Variants in HTR2C observed in about 807,000 individuals in gnomAD.
HTR2C encodes 5-hydroxytryptamine receptor 2C, also known as 5-hydroxytryptamine (serotonin) receptor 2C, G protein-coupled.
In HTR2C, 5 loss-of-function variants were observed where a neutral mutation model predicts 21.0. The ratio of observed to expected loss-of-function variants is 0.24; its 90% CI spans 0.12 to 0.50. The LOEUF (loss-of-function observed/expected upper bound fraction) is 0.50, where lower values mean the gene tolerates loss of function less well. HTR2C is among the 20% of genes least tolerant of loss of function. The pLI is 0.98. For synonymous variants in HTR2C, 150 were observed against 145.3 expected, an observed-to-expected ratio of 1.03 and a Z score of -0.23; for missense variants, 271 against 371.2, an observed-to-expected ratio of 0.73 and a Z score of 2.22.
At chrX:114,904,590 C>A (rs2071358617) in intron 5 of HTR2C, among the ~76,000 whole-genome samples, 1 of 111,780 alleles carries the variant, frequency 8.9e-6, no homozygotes, top group African/African-American at 3.2e-5. Context: ...TTGTTTTCAT[C>A]AAGATCCCAA....
At chrX:114,766,580 A>G (rs186697053) in intron 4 of HTR2C, among the ~76,000 whole-genome samples, 8 of 111,742 alleles carry the variant, frequency 7.2e-5, no homozygotes, top group Admixed American at 3.8e-4. Context: ...CAGTAACTCT[A>G]TCTTGAAAGT....
chrX:114,858,471 G>T (rs1242229488), intron 5 of HTR2C, among the ~76,000 whole-genome samples: 4 of 110,956 alleles, frequency 3.6e-5, no homozygotes, highest in African/African-American at 1.3e-4. Context: ...GGATGCTATT[G>T]TAAATATTTC....
At chrX:114,626,733 T>C (rs782400611) in intron 2 of HTR2C, among the ~76,000 whole-genome samples, 8 of 112,437 alleles carry the variant, frequency 7.1e-5, no homozygotes, top group Non-Finnish European at 1.3e-4. Flanking sequence ...TAGAAGGAAT[T>C]CATATGATTT....
intron 4 of HTR2C, among the ~76,000 whole-genome samples, chrX:114,811,863 A>G (rs1435887991): frequency 1.8e-5 from 2 of 112,002 alleles, no homozygotes; most frequent in African/African-American, 6.5e-5. Context: ...AGGGTTCCTC[A>G]TGGTAAAATA....
At chrX:114,680,313 T>C (rs1931704714) in intron 2 of HTR2C, among the ~76,000 whole-genome samples, 1 of 112,212 alleles carries the variant, frequency 8.9e-6, no homozygotes, top group Non-Finnish European at 1.9e-5. Flanking sequence ...GCCTCTACAC[T>C]TCTAGGGTGT....
chrX:114,697,623 A>G (rs782213382), intron 2 of HTR2C, among the ~76,000 whole-genome samples: 25 of 112,121 alleles, frequency 2.2e-4, no homozygotes, highest in Non-Finnish European at 4.5e-4. Flanking sequence ...GTTTTACCTA[A>G]CAAAAAGGCC....
At chrX:114,687,018 T>A (rs1355569704) in intron 2 of HTR2C, among the ~76,000 whole-genome samples, 1 of 111,924 alleles carries the variant, frequency 8.9e-6, no homozygotes, top group Non-Finnish European at 1.9e-5. Flanking sequence ...GATGGGAACA[T>A]CATTTTGAAA....
chrX:114,825,163 C>T (rs908093683), intron 4 of HTR2C, among the ~76,000 whole-genome samples: 2 of 111,197 alleles, frequency 1.8e-5, no homozygotes, highest in Non-Finnish European at 3.8e-5. Flanking sequence ...TCTTCTGGTA[C>T]TTGGATTTCA....
chrX:114,598,600 A>G (rs1179895409), intron 1 of HTR2C, among the ~76,000 whole-genome samples: 1 of 111,474 alleles, frequency 9.0e-6, no homozygotes, highest in East Asian at 2.8e-4. Context: ...GGTTTAAGTT[A>G]CAAGTAAGTA....
intron 5 of HTR2C, among the ~76,000 whole-genome samples, chrX:114,876,354 A>G (rs1224726962): frequency 9.2e-6 from 1 of 108,224 alleles, no homozygotes. Flanking sequence ...GCAAACAAAA[A>G]CAATTTTACT....
intron 4 of HTR2C, among the ~76,000 whole-genome samples, chrX:114,799,273 T>A (rs1348764212): frequency 9.0e-6 from 1 of 110,897 alleles, no homozygotes; most frequent in Non-Finnish European, 1.9e-5. Flanking sequence ...TCTCTTAAGA[T>A]AATATTCTGT....
intron 2 of HTR2C, among the ~76,000 whole-genome samples, chrX:114,723,678 C>G (rs1265037796): frequency 9.0e-6 from 1 of 110,635 alleles, no homozygotes; most frequent in Non-Finnish European, 1.9e-5. Context: ...CCTCTACACA[C>G]TGCTTTGAAT....
intron 4 of HTR2C, among the ~76,000 whole-genome samples, chrX:114,806,577 AT>A (rs2070445619): frequency 2.5e-4 from 1 of 4,057 alleles, no homozygotes; most frequent in African/African-American, 1.4e-3. Flanking sequence ...CATCATATAT[AT>A]CATATATATC....
chrX:114,800,350 A>G (rs960628874), intron 4 of HTR2C, among the ~76,000 whole-genome samples: 2 of 111,563 alleles, frequency 1.8e-5, no homozygotes, highest in Admixed American at 9.6e-5. Flanking sequence ...TTAGAAAAAT[A>G]CATTTTGTGG....
intron 2 of HTR2C, among the ~76,000 whole-genome samples, chrX:114,690,176 A>G (rs1556414931): frequency 1.8e-5 from 2 of 111,477 alleles, no homozygotes. Context: ...TCCTCAGAGC[A>G]ATAACGATGA....
chrX:114,899,727 C>T (rs1033588343), intron 5 of HTR2C, among the ~76,000 whole-genome samples: 5 of 110,642 alleles, frequency 4.5e-5, no homozygotes, highest in Non-Finnish European at 7.6e-5. Context: ...AAAGTGAGTA[C>T]CTGGATATTT....
intron 5 of HTR2C, among the ~76,000 whole-genome samples, chrX:114,897,628 C>T (rs782600141): frequency 8.9e-6 from 1 of 111,918 alleles, no homozygotes; most frequent in African/African-American, 3.2e-5. Context: ...CATGATTCAG[C>T]TGCCACTTCT....
At chrX:114,617,177 G>A (rs1306387158) in intron 2 of HTR2C, among the ~76,000 whole-genome samples, 4 of 112,371 alleles carry the variant, frequency 3.6e-5, no homozygotes, top group African/African-American at 1.3e-4. Flanking sequence ...GGTGGCTCAT[G>A]CCTGTAATCC....
chrX:114,888,991 T>C (rs782703227), intron 5 of HTR2C, among the ~76,000 whole-genome samples: 7 of 112,363 alleles, frequency 6.2e-5, no homozygotes, highest in African/African-American at 1.9e-4. Context: ...TACTGATTAC[T>C]TCTTTTCCTA....
Sources: allele counts gnomAD v4.1 joint callset (sites outside exome capture counted in the v4.1 genomes callset), GRCh38; gene constraint gnomAD v4.1.1; transcripts MANE v1.5; gene names NCBI Gene and HGNC (gene_info 2026-07-23, HGNC 2026-07-21).